The following TEAD1 variants were observed in gnomAD, a reference collection of about 807,000 sequenced individuals.
The protein encoded by TEAD1 is transcriptional enhancer factor TEF-1.
TEAD1 carries 9 observed loss-of-function variants against 54.9 expected under a neutral mutation model. That is an observed-to-expected ratio of 0.16 (90% CI 0.10 to 0.29). The LOEUF (loss-of-function observed/expected upper bound fraction) is 0.29. Among genes scored for constraint, TEAD1 ranks in the 10% least tolerant of loss-of-function variants. The pLI, the probability that TEAD1 is intolerant of heterozygous loss-of-function variation, is 1.00. For synonymous variants in TEAD1, 200 were observed against 187.8 expected, an observed-to-expected ratio of 1.07 and a Z score of -0.53; for missense variants, 387 against 535.9, an observed-to-expected ratio of 0.72 and a Z score of 2.74.
chr11:12,861,774 G>T (rs990556150), intron 3 of TEAD1, among the ~76,000 whole-genome samples: 1 of 152,170 alleles, frequency 6.6e-6, no homozygotes, highest in Admixed American at 6.5e-5. Flanking sequence ...ATCACCTGAG[G>T]TCGGGGGTTC....
At chr11:12,829,136 A>T (rs1480791032) in intron 3 of TEAD1, among the ~76,000 whole-genome samples, 1 of 152,150 alleles carries the variant, frequency 6.6e-6, no homozygotes, top group Non-Finnish European at 1.5e-5. Context: ...AAACTCCCCA[A>T]GACGGAAGTG....
chr11:12,888,243 T>C (rs1041943670), intron 9 of TEAD1, among the ~76,000 whole-genome samples: 1 of 152,230 alleles, frequency 6.6e-6, no homozygotes, highest in Non-Finnish European at 1.5e-5. Context: ...GTGTGATGGC[T>C]CACGCCTGTA....
chr11:12,850,125 A>G (rs1458770046), intron 3 of TEAD1, among the ~76,000 whole-genome samples: 1 of 152,204 alleles, frequency 6.6e-6, no homozygotes, highest in Admixed American at 6.5e-5. Context: ...AACCTGGTGC[A>G]GTGACATTAC....
Position 12,764,216 on chromosome 11 carries a change from A to G in TEAD1, c.-17A>G, listed in dbSNP as rs1590126969. 1 of 1,611,730 alleles carries G rather than the reference A, an allele frequency of 6.2e-7. No individual in the cohort carries two copies. Among genetic ancestry groups the G allele is most frequent in the Non-Finnish European group, 8.5e-7 (1 of 1,179,344 alleles). On this transcript the variant is annotated 5_prime_UTR_variant, in exon 3 of 13. Coordinates refer to ENST00000527636, the MANE Select transcript of TEAD1 (RefSeq NM_021961.6). ...GAAAAGGCTCCAGGCTTCGGCTTGGAAAATCCCACCGCCAAAATTGAGCCC... is the reference window on the plus strand; with the variant it reads ...GAAAAGGCTCCAGGCTTCGGCTTGGGAAATCCCACCGCCAAAATTGAGCCC...
Position 12,938,383 on chromosome 11 carries a change from A to G in TEAD1, c.*1161A>G, listed in dbSNP as rs1409372063. 1 of 152,632 alleles carries G rather than the reference A, an allele frequency of 6.6e-6. No homozygotes were observed. Among genetic ancestry groups the G allele is most frequent in the East Asian group, 1.9e-4 (1 of 5,198 alleles). 9.5% of individuals were successfully genotyped at this position (152,632 alleles called of 1,614,324 possible). A position where few individuals can be genotyped will look rare whatever the true frequency, so the allele number is the denominator to read the frequency against. On this transcript the variant is annotated 3_prime_UTR_variant, in exon 13 of 13. Transcript: ENST00000527636. ...CATTCTTTATTTCTAGTGACCCAATATGCATATTAACCTGCTATAACTAGG... is the reference window on the plus strand; with the variant it reads ...CATTCTTTATTTCTAGTGACCCAATGTGCATATTAACCTGCTATAACTAGG...
At chr11:12,870,566 C>A (rs1205324618) in intron 5 of TEAD1, among the ~76,000 whole-genome samples, 2 of 152,136 alleles carry the variant, frequency 1.3e-5, no homozygotes, top group African/African-American at 4.8e-5. Flanking sequence ...TCCCCCGCCC[C>A]CCCCGGGGTT....
chr11:12,819,787 A>G (rs116752337), intron 3 of TEAD1, among the ~76,000 whole-genome samples: 1 of 152,202 alleles, frequency 6.6e-6, no homozygotes, highest in East Asian at 1.9e-4. Flanking sequence ...ATTCTGTAAT[A>G]CGTTGGCCAG....
At chr11:12,822,529 A>T (rs781486894) in intron 3 of TEAD1, 2 of 152,252 alleles carry the variant, frequency 1.3e-5, no homozygotes, top group Non-Finnish European at 2.9e-5. Flanking sequence ...CAGGAGTACA[A>T]TGGAAGATGG....
intron 3 of TEAD1, among the ~76,000 whole-genome samples, chr11:12,816,483 A>G (rs1412978065): frequency 6.6e-6 from 1 of 151,948 alleles, no homozygotes; most frequent in Non-Finnish European, 1.5e-5. Context: ...CCTTTTTGGT[A>G]TTTGTAGTGG....
intron 2 of TEAD1, among the ~76,000 whole-genome samples, chr11:12,731,381 C>T (rs1944421606): frequency 6.6e-6 from 1 of 152,162 alleles, no homozygotes; most frequent in South Asian, 2.1e-4. Flanking sequence ...TAGTATCACA[C>T]TACTACTTAG....
chr11:12,854,357 AC>A (rs918081832), intron 3 of TEAD1, among the ~76,000 whole-genome samples: 16 of 152,174 alleles, frequency 1.1e-4, no homozygotes, highest in African/African-American at 3.6e-4. Context: ...GATGAGCAAA[AC>A]CCAGTTTATG....
intron 10 of TEAD1, among the ~76,000 whole-genome samples, chr11:12,902,661 G>C (rs1049803963): frequency 6.6e-6 from 1 of 152,120 alleles, no homozygotes; most frequent in Non-Finnish European, 1.5e-5. Flanking sequence ...ACCTGCTAGC[G>C]CTGCGAGTTT....
In TEAD1 at chr11:12,798,925, C is replaced by T. The variant is rs1945993698; in HGVS notation, c.202+34491C>T. Among the ~76,000 whole-genome samples the T allele has an allele frequency of 1.3e-5, 2 of 152,192 alleles. 1 individual carries two copies. The highest frequency in any genetic ancestry group is 4.1e-4 in the South Asian group (2 of 4,828). On this transcript the variant is annotated intron_variant, in intron 3 of 12. Transcript: ENST00000527636. Reference sequence around the variant, plus strand: ...CTTTTCTCCTTTCCCAACTCTGCCACCTGGAAAACAAAACAAAAGCAACAA... The same window carrying T: ...CTTTTCTCCTTTCCCAACTCTGCCATCTGGAAAACAAAACAAAAGCAACAA...
chr11:12,851,864 G>A (rs148320905), intron 3 of TEAD1, among the ~76,000 whole-genome samples: 29 of 152,206 alleles, frequency 1.9e-4, no homozygotes, highest in Middle Eastern at 3.4e-3. Context: ...GGGTCACAGA[G>A]AACCAGACAG....
In TEAD1 at chr11:12,712,899, C is replaced by T. The variant is rs1943974116; in HGVS notation, c.-55+37338C>T. Among the ~76,000 whole-genome samples, 4 of 152,238 alleles carry T rather than the reference C, an allele frequency of 2.6e-5. No homozygotes were observed. In the South Asian group the frequency reaches 8.3e-4, roughly 32 times the overall value. ...TGGGCCTGAATTGATAAAGAAGAGGCATCAAGTTTAGACCCAAGCTAAGTT... is the reference window on the plus strand; with the variant it reads ...TGGGCCTGAATTGATAAAGAAGAGGTATCAAGTTTAGACCCAAGCTAAGTT... On this transcript the variant is annotated intron_variant, in intron 2 of 12. Transcript: ENST00000527636.
Position 12,883,026 on chromosome 11 carries a change from T to C in TEAD1, c.600T>C (p.Ala200=), listed in dbSNP as rs370373018. The change falls in exon 9 of 13, where the codon GCT becomes GCC. Residue 200 remains alanine (A), a synonymous_variant. Coordinates refer to ENST00000527636, the MANE Select transcript of TEAD1 (RefSeq NM_021961.6). Reference sequence around the variant, plus strand: ...GGTTTGAGCCTGCATCGGCCCCAGCTCCCTCAGTCCCTGCCTGGCAAGGTC... The same window carrying C: ...GGTTTGAGCCTGCATCGGCCCCAGCCCCCTCAGTCCCTGCCTGGCAAGGTC... 20 of 1,614,154 alleles carry C rather than the reference T, an allele frequency of 1.2e-5. No individual in the cohort carries two copies. In the East Asian group the frequency reaches 1.3e-4, roughly 11 times the overall value.
intron 10 of TEAD1, among the ~76,000 whole-genome samples, chr11:12,917,300 G>C (rs1484083686): frequency 6.6e-6 from 1 of 152,166 alleles, no homozygotes; most frequent in Non-Finnish European, 1.5e-5. Context: ...AGCTGGAAGA[G>C]GCAAGGAAAC....
intron 2 of TEAD1, among the ~76,000 whole-genome samples, chr11:12,730,392 G>A (rs948759116): frequency 7.9e-6 from 1 of 127,012 alleles, no homozygotes; most frequent in Non-Finnish European, 1.7e-5. Flanking sequence ...ATTGGGATTT[G>A]AAACTTTTGA....
chr11:12,739,283 T>C (rs1944603757), intron 2 of TEAD1, among the ~76,000 whole-genome samples: 1 of 152,192 alleles, frequency 6.6e-6, no homozygotes, highest in African/African-American at 2.4e-5. Context: ...ATCTTTTTAA[T>C]TGTGATAAAG....
Sources: gnomAD v4.1 joint callset for allele counts (sites outside exome capture counted in the v4.1 genomes callset) on GRCh38, gnomAD v4.1.1 for gene constraint, MANE v1.5 for transcripts, NCBI Gene and HGNC (gene_info 2026-07-23, HGNC 2026-07-21) for gene names.